The following MGAT4C variants were observed in gnomAD, a reference collection of about 807,000 sequenced individuals.
MGAT4C encodes the protein alpha-1,3-mannosyl-glycoprotein 4-beta-N-acetylglucosaminyltransferase C.
A neutral mutation model predicts 40.1 loss-of-function variants in MGAT4C; 19 were observed. The observed-to-expected ratio is 0.47, with a 90% CI of 0.33 to 0.70. The LOEUF (loss-of-function observed/expected upper bound fraction) is 0.70. Ranked by LOEUF, MGAT4C falls within the 30% of genes least tolerant of loss-of-function variation. The pLI, the probability that MGAT4C is intolerant of heterozygous loss-of-function variation, is 0.02. For missense variants in MGAT4C, 491 were observed against 563.2 expected (o/e 0.87, Z 1.30); for synonymous variants, 181 against 187.1 (o/e 0.97, Z 0.27).
intron 2 of MGAT4C, among the ~76,000 whole-genome samples, chr12:86,586,794 G>T (rs1226097822): frequency 6.6e-5 from 10 of 151,720 alleles, no homozygotes. Context: ...TTTTTGATGG[G>T]GTTGTTTGTT....
chr12:86,514,662 A>C (rs1958652543), intron 2 of MGAT4C, among the ~76,000 whole-genome samples: 1 of 152,212 alleles, frequency 6.6e-6, no homozygotes, highest in African/African-American at 2.4e-5. Flanking sequence ...TACATTGGAC[A>C]CACTCTGATA....
chr12:86,371,821 A>G (rs1404821893), intron 3 of MGAT4C, among the ~76,000 whole-genome samples: 1 of 152,032 alleles, frequency 6.6e-6, no homozygotes, highest in African/African-American at 2.4e-5. Context: ...TACATTTTAA[A>G]GTAAATTAAA....
chr12:86,266,566 A>C (rs145760468), intron 4 of MGAT4C, among the ~76,000 whole-genome samples: 1 of 152,116 alleles, frequency 6.6e-6, no homozygotes, highest in Non-Finnish European at 1.5e-5. Flanking sequence ...TTTTGTGTCT[A>C]TGATTATAAG....
At chr12:85,986,784 A>G (rs1309568955) in intron 3 of MGAT4C, among the ~76,000 whole-genome samples, 1 of 152,210 alleles carries the variant, frequency 6.6e-6, no homozygotes, top group Non-Finnish European at 1.5e-5. Context: ...TAAAAAAGAA[A>G]TAAACACAGG....
rs74565119 is a variant in MGAT4C, at chr12:86,415,762, A to G, written c.-120+19395T>C. 5.8e-3 allele frequency among the ~76,000 whole-genome samples: 880 copies of G among 152,158 alleles called. 7 individuals are homozygous for G. The highest frequency in any genetic ancestry group is 0.02 in the African/African-American group (845 of 41,562). On this transcript the variant is annotated intron_variant, in intron 3 of 7. Coordinates refer to the MGAT4C transcript ENST00000548651. ...AGGACTCTAAGAAAGAACATTTGGA[A>G]AGGTTAAAAGAAAACTAACAATATG...
intron 2 of MGAT4C, among the ~76,000 whole-genome samples, chr12:85,993,118 C>T (rs1886164117): frequency 1.3e-5 from 2 of 152,180 alleles, no homozygotes. Context: ...GGGGTCTTGG[C>T]AAGTTTTCAA....
chr12:86,558,223 A>G (rs890725307), intron 2 of MGAT4C, among the ~76,000 whole-genome samples: 1 of 152,124 alleles, frequency 6.6e-6, no homozygotes, highest in African/African-American at 2.4e-5. Flanking sequence ...TCATAAAGTG[A>G]TAAAATATTT....
chr12:86,081,178 A>T (rs752561023), intron 1 of MGAT4C, among the ~76,000 whole-genome samples: 2 of 152,012 alleles, frequency 1.3e-5, no homozygotes, highest in South Asian at 2.1e-4. Flanking sequence ...AGTGAAATAT[A>T]AAAAAAAGAC....
At chr12:86,770,215 C>T (rs576891572) in intron 1 of MGAT4C, among the ~76,000 whole-genome samples, 11 of 151,790 alleles carry the variant, frequency 7.2e-5, no homozygotes, top group Non-Finnish European at 7.4e-5. Context: ...TATAAATATC[C>T]ATTTATGGTG....
intron 2 of MGAT4C, among the ~76,000 whole-genome samples, chr12:86,583,794 C>CT (rs1216271157): frequency 2.0e-5 from 3 of 150,858 alleles, no homozygotes; most frequent in Non-Finnish European, 3.0e-5. Flanking sequence ...GTAAACTGTC[C>CT]TTCAGTGTGG....
intron 2 of MGAT4C, among the ~76,000 whole-genome samples, chr12:86,590,938 A>T (rs1256933696): frequency 6.6e-6 from 1 of 152,004 alleles, no homozygotes; most frequent in Non-Finnish European, 1.5e-5. Flanking sequence ...GCACTTGGAA[A>T]TGCATCAGAA....
chr12:86,538,077 A>G (rs1376771604), intron 2 of MGAT4C, among the ~76,000 whole-genome samples: 1 of 152,126 alleles, frequency 6.6e-6, no homozygotes, highest in Non-Finnish European at 1.5e-5. Flanking sequence ...ACAGAGCAAG[A>G]CTCCATCTCA....
intron 2 of MGAT4C, among the ~76,000 whole-genome samples, chr12:86,475,893 G>A (rs574707117): frequency 6.5e-4 from 98 of 151,672 alleles, no homozygotes; most frequent in African/African-American, 2.1e-3. Context: ...ACCATTTACC[G>A]AGAATTTCTG....
chr12:86,135,542 G>T (rs1273606145), intron 1 of MGAT4C, among the ~76,000 whole-genome samples: 1 of 152,064 alleles, frequency 6.6e-6, no homozygotes, highest in Non-Finnish European at 1.5e-5. Context: ...AAAAGTAAGG[G>T]GGGGCAGACA....
intron 1 of MGAT4C, among the ~76,000 whole-genome samples, chr12:86,241,767 T>C (rs781623962): frequency 1.3e-5 from 2 of 152,136 alleles, no homozygotes; most frequent in African/African-American, 2.4e-5. Context: ...TAAAATGCAA[T>C]GTAACTTCTT....
At position 86,699,812 on chromosome 12, in the gene MGAT4C, A is replaced by G. The variant is rs569468681; in HGVS notation, c.-229+27397T>C. On this transcript the variant is annotated intron_variant, in intron 2 of 7. Coordinates refer to the MGAT4C transcript ENST00000548651. ...ATTTACCATGTGGAAGTGGATCACC[A>G]TAAAGGTATTCATCCTCATTGTCTT... Among the ~76,000 whole-genome samples, 8 of 152,148 alleles carry G rather than the reference A, an allele frequency of 5.3e-5. No individual in the cohort carries two copies. In the South Asian group the frequency reaches 1.7e-3, roughly 31 times the overall value.
intron 2 of MGAT4C, among the ~76,000 whole-genome samples, chr12:86,014,978 C>CTTT (rs113674418): frequency 4.5e-5 from 6 of 134,568 alleles, no homozygotes; most frequent in South Asian, 2.3e-4. Context: ...TTCTTTCTTT[C>CTTT]TTTTTTTTTT....
chr12:86,007,124 T>C (rs892063924), intron 2 of MGAT4C, among the ~76,000 whole-genome samples: 1 of 152,136 alleles, frequency 6.6e-6, no homozygotes, highest in Non-Finnish European at 1.5e-5. Context: ...CATAGGAAAA[T>C]TAAAAATTCT....
At chr12:86,010,489 A>G (rs1888347767) in intron 2 of MGAT4C, among the ~76,000 whole-genome samples, 2 of 152,014 alleles carry the variant, frequency 1.3e-5, no homozygotes, top group East Asian at 3.9e-4. Flanking sequence ...ACCAACCTGG[A>G]CAACATGGTG....
Sources: allele counts gnomAD v4.1 joint callset (sites outside exome capture counted in the v4.1 genomes callset), GRCh38; gene constraint gnomAD v4.1.1; transcripts MANE v1.5; gene names NCBI Gene and HGNC (gene_info 2026-07-23, HGNC 2026-07-21).